MED13L: variants seen among roughly 807,000 people sequenced by gnomAD.
The protein encoded by MED13L is mediator complex subunit 13L, also known as mediator of RNA polymerase II transcription subunit 13-like.
In MED13L, 7 loss-of-function variants were observed where a neutral mutation model predicts 220.9. The observed-to-expected ratio is 0.03, with a 90% CI of 0.02 to 0.06. The LOEUF (loss-of-function observed/expected upper bound fraction) is 0.06. Among genes scored for constraint, MED13L ranks in the 10% least tolerant of loss-of-function variants. The pLI is 1.00. For missense variants in MED13L, 1,965 were observed against 2,760.5 expected (o/e 0.71, Z 6.46); for synonymous variants, 1,011 against 1,015.2 (o/e 1.00, Z 0.08).
At chr12:116,245,952 G>A (rs561674733) in intron 1 of MED13L, among the ~76,000 whole-genome samples, 7 of 152,226 alleles carry the variant, frequency 4.6e-5, no homozygotes, top group African/African-American at 1.4e-4. Context: ...AGAAAGACTC[G>A]CGGAAGGCAT....
chr12:116,145,493 G>A (rs775499636), intron 2 of MED13L, among the ~76,000 whole-genome samples: 1 of 151,822 alleles, frequency 6.6e-6, no homozygotes, highest in Non-Finnish European at 1.5e-5. Context: ...TGCTTCAAGC[G>A]CTTTTTTTTC....
At chr12:116,151,445 C>T (rs1174139308) in intron 2 of MED13L, among the ~76,000 whole-genome samples, 3 of 152,142 alleles carry the variant, frequency 2.0e-5, no homozygotes, top group Non-Finnish European at 4.4e-5. Flanking sequence ...GGTGTTAGGA[C>T]AGAGATTTAA....
intron 3 of MED13L, among the ~76,000 whole-genome samples, chr12:116,101,323 T>G (rs1022251201): frequency 6.6e-6 from 1 of 152,226 alleles, no homozygotes; most frequent in East Asian, 1.9e-4. Flanking sequence ...AATATTTAAG[T>G]GCCCACTATG....
intron 2 of MED13L, among the ~76,000 whole-genome samples, chr12:116,207,972 A>T (rs890952022): frequency 6.6e-5 from 10 of 152,212 alleles, no homozygotes; most frequent in Non-Finnish European, 1.5e-4. Context: ...GTTCAAGATA[A>T]GAAGGGAACA....
At chr12:116,184,272 T>C (rs925532298) in intron 2 of MED13L, among the ~76,000 whole-genome samples, 3 of 152,224 alleles carry the variant, frequency 2.0e-5, no homozygotes, top group Admixed American at 6.5e-5. Flanking sequence ...TGGATGATAT[T>C]CTATTACAAT....
chr12:116,182,282 G>A (rs978624655), intron 2 of MED13L, among the ~76,000 whole-genome samples: 4 of 152,114 alleles, frequency 2.6e-5, no homozygotes, highest in Non-Finnish European at 4.4e-5. Context: ...TCTTGACATC[G>A]TGCAGAAATC....
At chr12:116,026,062 GA>G in intron 4 of MED13L, among the ~76,000 whole-genome samples, 1 of 152,120 alleles carries the variant, frequency 6.6e-6, no homozygotes, top group East Asian at 1.9e-4. Flanking sequence ...AAAAGTAAGA[GA>G]AAACATGAGG....
At chr12:116,227,641 AATT>A (rs1456821521) in intron 2 of MED13L, among the ~76,000 whole-genome samples, 1 of 152,156 alleles carries the variant, frequency 6.6e-6, no homozygotes, top group Non-Finnish European at 1.5e-5. Context: ...AGACTGAACC[AATT>A]GATCACTATT....
chr12:116,255,619 A>C (rs1033617398), intron 1 of MED13L, among the ~76,000 whole-genome samples: 2 of 152,244 alleles, frequency 1.3e-5, no homozygotes, highest in African/African-American at 4.8e-5. Flanking sequence ...TAATACATCT[A>C]TCTGCCAATG....
Position 115,991,698 on chromosome 12 carries a change from G to C in MED13L, c.3256C>G (p.Pro1086Ala). 1 of 1,613,958 alleles carries C rather than the reference G, an allele frequency of 6.2e-7. No individual in the cohort carries two copies. Among genetic ancestry groups the C allele is most frequent in the Non-Finnish European group, 8.5e-7 (1 of 1,179,948 alleles). ...STDQGSPAST[P>A]STTRPLNSVE... Reference sequence around the variant, plus strand: ...GAGTTGAGGGGCCGTGTAGTAGAGGGGGTGGAGGCTGGTGATCCTTGATCG... The same window carrying C: ...GAGTTGAGGGGCCGTGTAGTAGAGGCGGTGGAGGCTGGTGATCCTTGATCG... Residue 1086 changes from proline to alanine, a missense_variant, in exon 17 of 31, where the codon CCC becomes GCC. Pro to Ala is a conservative substitution (Grantham distance 27). Transcript: ENST00000281928. The surrounding 1 kb of genome is among the most constrained non-coding windows in gnomAD (Gnocchi z 7.7).
chr12:116,118,284 A>C (rs1261567235), intron 2 of MED13L, among the ~76,000 whole-genome samples: 1 of 152,166 alleles, frequency 6.6e-6, no homozygotes, highest in Non-Finnish European at 1.5e-5. Context: ...TACTATATTA[A>C]GCCCTTGTCT....
At chr12:116,152,666 C>A (rs1290436039) in intron 2 of MED13L, among the ~76,000 whole-genome samples, 1 of 152,054 alleles carries the variant, frequency 6.6e-6, no homozygotes, top group Non-Finnish European at 1.5e-5. Flanking sequence ...GACTGTTCAA[C>A]ATTGGAAAAC....
chr12:116,119,744 G>A (rs1874833504), intron 2 of MED13L, among the ~76,000 whole-genome samples: 2 of 142,462 alleles, frequency 1.4e-5, no homozygotes, highest in African/African-American at 5.3e-5. Context: ...GTTTGAGGCT[G>A]CAGTAAGCTA....
chr12:116,113,612 T>C (rs2137910488), intron 2 of MED13L, among the ~76,000 whole-genome samples: 1 of 149,450 alleles, frequency 6.7e-6, no homozygotes, highest in East Asian at 2.0e-4. Flanking sequence ...GCCATGATCA[T>C]GCCACCACTG....
At chr12:116,046,564 A>C (rs1255417474) in intron 4 of MED13L, among the ~76,000 whole-genome samples, 1 of 152,312 alleles carries the variant, frequency 6.6e-6, no homozygotes, top group South Asian at 2.1e-4. Flanking sequence ...AAATAAAGAT[A>C]TTTGCTTCAA....
chr12:116,116,933 G>GATGT (rs1033916337), intron 2 of MED13L, among the ~76,000 whole-genome samples: 13 of 149,802 alleles, frequency 8.7e-5, no homozygotes, highest in Non-Finnish European at 1.0e-4. Context: ...AAGTTTGGAG[G>GATGT]ATGTAAGGTT....
chr12:116,026,722 A>G (rs973146332), intron 4 of MED13L, among the ~76,000 whole-genome samples: 6 of 152,206 alleles, frequency 3.9e-5, no homozygotes, highest in African/African-American at 1.4e-4. Context: ...CAAGGACAGG[A>G]ATGACAGCAC....
At chr12:116,178,633 T>C (rs1172450855) in intron 2 of MED13L, among the ~76,000 whole-genome samples, 1 of 152,236 alleles carries the variant, frequency 6.6e-6, no homozygotes, top group African/African-American at 2.4e-5. Flanking sequence ...TGCACTGTTC[T>C]TACAACCCAC....
At chr12:116,180,821 A>G (rs534229489) in intron 2 of MED13L, among the ~76,000 whole-genome samples, 2 of 152,352 alleles carry the variant, frequency 1.3e-5, no homozygotes, top group African/African-American at 4.8e-5. Context: ...GTATCAATTA[A>G]ATCTAAATGG....
Sources: allele counts gnomAD v4.1 joint callset (sites outside exome capture counted in the v4.1 genomes callset), GRCh38; gene constraint gnomAD v4.1.1; non-coding constraint Gnocchi (gnomAD v3.1); transcripts MANE v1.5; gene names NCBI Gene and HGNC (gene_info 2026-07-23, HGNC 2026-07-21).